The following ZNF534 variants were observed in gnomAD, a reference collection of about 807,000 sequenced individuals.
ZNF534 encodes KRAB domain only 3.
Under a neutral mutation model 13.6 loss-of-function variants are expected in ZNF534, and 19 were observed. The ratio of observed to expected loss-of-function variants is 1.40; its 90% CI spans 0.97 to 2.05. The LOEUF (loss-of-function observed/expected upper bound fraction) is 2.05, where lower values mean the gene tolerates loss of function less well. Ranked by LOEUF, ZNF534 falls within the 30% of genes most tolerant of loss-of-function variation. The pLI is 0.00. For missense variants in ZNF534, 782 were observed against 796.3 expected, an observed-to-expected ratio of 0.98 and a Z score of 0.22; for synonymous variants, 244 against 273.8, an observed-to-expected ratio of 0.89 and a Z score of 1.07.
rs1411100858 is a variant in ZNF534, at chr19:52,441,213, A to G, written c.*1767A>G. Among the ~76,000 whole-genome samples the G allele has an allele frequency of 6.6e-6, 1 of 152,176 alleles. No individual in the cohort carries two copies. Among genetic ancestry groups the G allele is most frequent in the Non-Finnish European group, 1.5e-5 (1 of 68,022 alleles). On this transcript the variant is annotated 3_prime_UTR_variant, in exon 5 of 5. Transcript: ENST00000433050. ...GCTGCTGCACCCAGCTTGAGAAATCATATGAATATATGGAATGTACTCCAG... is the reference window on the plus strand; with the variant it reads ...GCTGCTGCACCCAGCTTGAGAAATCGTATGAATATATGGAATGTACTCCAG...
rs1339762258 is a variant in ZNF534 at position 52,438,161 on chromosome 19, G to A, written c.701G>A (p.Arg234Gln). 8.7e-6 allele frequency: 14 copies of A among 1,613,552 alleles called. No homozygotes were observed. Among genetic ancestry groups the A allele is most frequent in the South Asian group, 3.3e-5 (3 of 91,054 alleles). ...AATTCAAACTTTGCACAACATCAAC[G>A]AATCCATACTGGAGAGAAGCCTTAC... Reference protein sequence around the residue: ...SSNSNFAQHQRIHTGEKPYKY... With the variant: ...SSNSNFAQHQQIHTGEKPYKY... The change falls in exon 5 of 5, where the codon CGA becomes CAA. Residue 234 changes from arginine to glutamine, a missense_variant. Physicochemically the swap from Arg to Gln is conservative, Grantham distance 43 (BLOSUM62 1). Around this residue, in one of 5 missense-constraint regions of ZNF534, gnomAD observed 591 missense variants for 574.0 expected, o/e 1.03. Transcript: ENST00000433050.
rs993196349 is a variant in ZNF534, at chr19:52,437,784, A to G, written c.324A>G (p.Gln108=). The change falls in exon 5 of 5, where the codon CAA becomes CAG. Residue 108 remains glutamine (Q), a synonymous_variant. Transcript: ENST00000433050. The part of the protein sequence containing the change: ...SSAGNKSLKN[Q]HGLTLQLHLT... The stretch of plus-strand genomic sequence containing the variant: ...CAGGAAACAAGTCACTTAAAAATCA[A>G]CATGGATTAACTCTTCAGTTACATC... 4 of 1,603,132 alleles carry G rather than the reference A, an allele frequency of 2.5e-6. No homozygotes were observed. The African/African-American group carries it at 4.0e-5, about 16-fold the overall frequency.
At chr19:52,433,876 C>T (rs1306353234) in intron 2 of ZNF534, 79 bp from the exon 3 acceptor site, 1 of 1,567,634 alleles carries the variant, frequency 6.4e-7, no homozygotes, top group Non-Finnish European at 8.8e-7. Flanking sequence ...GGAGTGAGTC[C>T]TTACAACTGT....
At chr19:52,451,706 G>T in exon 5 of ZNF534, 1 of 676,224 alleles carries the variant, frequency 1.5e-6, no homozygotes, top group Non-Finnish European at 2.7e-6. Context: ...CCAAGGTCTG[G>T]CTTGGCTGCA....
At position 52,433,339 on chromosome 19, in the gene ZNF534, G is replaced by C. The variant is rs925406999; in HGVS notation, c.16-616G>C. The stretch of plus-strand genomic sequence containing the variant: ...GTAGATACTAAATGTCACTTGATGT[G>C]TCAAAAATAAAACCTAACATTTCTT... On this transcript the variant is annotated intron_variant, in intron 2 of 4. Transcript: ENST00000433050. Among the ~76,000 whole-genome samples, 5 of 145,820 alleles carry C rather than the reference G, an allele frequency of 3.4e-5. No homozygotes were observed. In the Admixed American group the frequency reaches 3.5e-4, roughly 10 times the overall value.
downstream of ZNF534, among the ~76,000 whole-genome samples, chr19:52,444,732 G>T (rs1308786489): frequency 2.6e-5 from 4 of 152,114 alleles, no homozygotes; most frequent in African/African-American, 4.8e-5. Context: ...GTTTCTAAGA[G>T]GATTATGGCT....
At chr19:52,445,196 A>ATT (rs1568448900), downstream of ZNF534, among the ~76,000 whole-genome samples, 1,256 of 40,456 alleles carry the variant, frequency 0.031, 26 homozygotes, top group African/African-American at 0.078. Flanking sequence ...TCACTCAGCT[A>ATT]ATTTTTTTTT....
intron 2 of ZNF534, among the ~76,000 whole-genome samples, 187 bp downstream of exon 2, chr19:52,431,676 T>C (rs946481160): frequency 1.3e-5 from 2 of 152,080 alleles, no homozygotes; most frequent in African/African-American, 4.8e-5. Flanking sequence ...TGACATGAAC[T>C]TGGGAAGAGG....
chr19:52,435,696 A>G (rs1416402566), intron 4 of ZNF534, among the ~76,000 whole-genome samples: 1 of 151,482 alleles, frequency 6.6e-6, no homozygotes, highest in Non-Finnish European at 1.5e-5. Flanking sequence ...GTAGAGATGG[A>G]GTATTGCCAT....
Position 52,433,948 on chromosome 19 carries a change from C to A in ZNF534, c.16-7C>A. On this transcript the variant is annotated splice_polypyrimidine_tract_variant and splice_region_variant and intron_variant, in intron 2 of 4. Coordinates refer to ENST00000433050, the MANE Select transcript of ZNF534 (RefSeq NM_001143938.3). ...ACCCTGTTTTTGAAATGTGGATTTC[C>A]TTTTAGGGGCAATTGTCATTCAGCG... 1 of 1,613,678 alleles carries A rather than the reference C, an allele frequency of 6.2e-7. No individual in the cohort carries two copies. Among genetic ancestry groups the A allele is most frequent in the East Asian group, 2.2e-5 (1 of 44,850 alleles).
At chr19:52,434,727 T>G (rs886859640) in intron 3 of ZNF534, among the ~76,000 whole-genome samples, 15 of 139,106 alleles carry the variant, frequency 1.1e-4, no homozygotes, top group African/African-American at 4.1e-4. Context: ...TGAGACTCTG[T>G]CTCAAAAAAA....
intron 4 of ZNF534, among the ~76,000 whole-genome samples, chr19:52,447,767 C>CA (rs1327115355): frequency 6.6e-6 from 1 of 152,110 alleles, no homozygotes. Context: ...CTTCCATCCT[C>CA]AAATAAACCC....
chr19:52,450,674 T>G (rs1363727785), intron 4 of ZNF534, among the ~76,000 whole-genome samples: 140 of 32,462 alleles, frequency 4.3e-3, no homozygotes, highest in Non-Finnish European at 9.9e-3. Flanking sequence ...TTAGGAGTTT[T>G]TTTTTTTTTT....
rs2059139251 is a variant in ZNF534, at chr19:52,437,949, C to T, written c.489C>T (p.Tyr163=). 4 of 1,613,446 alleles carry T rather than the reference C, an allele frequency of 2.5e-6. No individual in the cohort carries two copies. The highest frequency in any genetic ancestry group is 2.2e-5 in the South Asian group (2 of 90,944). ...TCAAAACCCATATTTTTAATAACTA[C>T]AGAAATGATTTTCTTTTTTCTACAT... ...FSVKTHIFNN[Y]RNDFLFSTLL... Residue 163 remains tyrosine (Y), a synonymous_variant, in exon 5 of 5, where the codon TAC becomes TAT. Transcript: ENST00000433050.
intron 2 of ZNF534, 88 bp from the exon 3 acceptor site, chr19:52,433,867 G>A (rs754172938): frequency 2.0e-6 from 3 of 1,489,916 alleles, no homozygotes; most frequent in South Asian, 1.1e-5. Context: ...CGCTTCAGTG[G>A]AGTGAGTCCT....
In ZNF534 at chr19:52,439,472, A is replaced by AAG. The variant is rs1181386965; in HGVS notation, c.*26_*27insAG. 26 of 1,493,388 alleles carry AAG rather than the reference A, an allele frequency of 1.7e-5. No individual in the cohort carries two copies. The East Asian group carries it at 6.2e-4, about 35-fold the overall frequency. The allele number at this position is 1,493,388 out of a possible 1,614,324, so 92.5% of individuals were successfully genotyped here. A position where few individuals can be genotyped will look rare whatever the true frequency, so the allele number is the denominator to read the frequency against. On this transcript the variant is annotated 3_prime_UTR_variant, in exon 5 of 5. Coordinates refer to ENST00000433050, the MANE Select transcript of ZNF534 (RefSeq NM_001143938.3). Reference sequence around the variant, plus strand: ...AAATTTAGTGAAGCTGGCAGGGCGCAGTGGCTCACGTCTGTAATCCCAGCA... The same window carrying AAG: ...AAATTTAGTGAAGCTGGCAGGGCGCAAGGTGGCTCACGTCTGTAATCCCAGCA...
intron 1 of ZNF534, among the ~76,000 whole-genome samples, 189 bp from the exon 2 acceptor site, chr19:52,431,219 C>T (rs1475861577): frequency 1.3e-5 from 2 of 151,976 alleles, no homozygotes; most frequent in Non-Finnish European, 2.9e-5. Flanking sequence ...GTGTCGCTCA[C>T]CATGAGACAG....
At chr19:52,437,585 GGTGACAAT>G in intron 4 of ZNF534, 139 bp from the exon 5 acceptor site, 1 of 762,382 alleles carries the variant, frequency 1.3e-6, no homozygotes, top group African/African-American at 1.8e-5. Context: ...CTCCAGCCTG[GGTGACAAT>G]GTGAGACTCC....
At chr19:52,445,195 T>C (rs2059189995), downstream of ZNF534, among the ~76,000 whole-genome samples, 1 of 32,248 alleles carries the variant, frequency 3.1e-5, no homozygotes, top group Non-Finnish European at 7.0e-5. Flanking sequence ...TTCACTCAGC[T>C]AATTTTTTTT....
Sources: allele counts gnomAD v4.1 joint callset (sites outside exome capture counted in the v4.1 genomes callset), GRCh38; gene constraint gnomAD v4.1.1; regional missense constraint gnomAD v4.1.1; transcripts MANE v1.5; gene names NCBI Gene and HGNC (gene_info 2026-07-23, HGNC 2026-07-21).